The following STK33 variants were observed in gnomAD, a reference collection of about 807,000 sequenced individuals.
STK33 encodes serine/threonine-protein kinase 33.
A neutral mutation model predicts 58.0 loss-of-function variants in STK33; 52 were observed. The ratio of observed to expected loss-of-function variants is 0.90; its 90% CI spans 0.72 to 1.13. STK33 has a LOEUF of 1.13. Among genes scored for constraint, STK33 ranks in the 50% most tolerant of loss-of-function variants. STK33 has a pLI of 0.00. For missense variants in STK33, 630 were observed against 604.2 expected (o/e 1.04, Z -0.45); for synonymous variants, 215 against 200.1 (o/e 1.07, Z -0.63).
At chr11:8,560,193 T>C (rs1360965025) in intron 1 of STK33, among the ~76,000 whole-genome samples, 1 of 152,156 alleles carries the variant, frequency 6.6e-6, no homozygotes, top group Non-Finnish European at 1.5e-5. Context: ...TGTGAGCATT[T>C]ATTATTTTGA....
intron 1 of STK33, among the ~76,000 whole-genome samples, chr11:8,560,726 G>C (rs1188720115): frequency 6.6e-6 from 1 of 152,082 alleles, no homozygotes; most frequent in Non-Finnish European, 1.5e-5. Flanking sequence ...CTTCAGGCCA[G>C]GCACTGTTCT....
chr11:8,453,376 TCTC>T (rs1212167198), intron 10 of STK33, among the ~76,000 whole-genome samples: 30 of 152,340 alleles, frequency 2.0e-4, no homozygotes, highest in African/African-American at 7.2e-4. Flanking sequence ...TCACTGAAAC[TCTC>T]CTTTTTTATA....
At chr11:8,590,501 T>C (rs933480572) in intron 1 of STK33, among the ~76,000 whole-genome samples, 2 of 152,310 alleles carry the variant, frequency 1.3e-5, no homozygotes, top group African/African-American at 4.8e-5. Context: ...TTATTTCTAA[T>C]GTAAACCACA....
intron 11 of STK33, among the ~76,000 whole-genome samples, chr11:8,442,274 A>C (rs1944853427): frequency 6.6e-6 from 1 of 152,194 alleles, no homozygotes; most frequent in Non-Finnish European, 1.5e-5. Context: ...TGTTAACTCT[A>C]CTTAAAATCT....
At chr11:8,569,897 CG>C (rs1957687774) in intron 1 of STK33, among the ~76,000 whole-genome samples, 1 of 151,844 alleles carries the variant, frequency 6.6e-6, no homozygotes, top group Non-Finnish European at 1.5e-5. Context: ...TACAGTGAGC[CG>C]TAATTGTGCC....
chr11:8,369,469 G>C, the STK33 span, among the ~76,000 whole-genome samples: 1 of 149,082 alleles, frequency 6.7e-6, no homozygotes, highest in Non-Finnish European at 1.5e-5. Context: ...GAATGAGGAG[G>C]CTAAGGGAGT....
At chr11:8,470,607 CAT>C (rs1381647900) in intron 6 of STK33, among the ~76,000 whole-genome samples, 2 of 152,328 alleles carry the variant, frequency 1.3e-5, no homozygotes, top group East Asian at 1.9e-4. Flanking sequence ...ATGCGCTCCT[CAT>C]TAGGCTTAAT....
chr11:8,574,213 T>C (rs1047550617), intron 1 of STK33, among the ~76,000 whole-genome samples: 1 of 152,146 alleles, frequency 6.6e-6, no homozygotes, highest in African/African-American at 2.4e-5. Flanking sequence ...AATGAGTAAA[T>C]ATACAACTGT....
chr11:8,478,658 C>G (rs1405921826), intron 2 of STK33, among the ~76,000 whole-genome samples: 1 of 151,876 alleles, frequency 6.6e-6, no homozygotes, highest in African/African-American at 2.4e-5. Context: ...TCTCCAAAAG[C>G]AATTTTTTTA....
At position 8,462,520 on chromosome 11, in the gene STK33, T is replaced by TA. The variant is rs535009745; in HGVS notation, c.454-612dup. ...GAAAAAATAATAGGCAATGAGATTCTACACTCGGCTCTGCACTGTTACTTC... is the reference window on the plus strand; with the variant it reads ...GAAAAAATAATAGGCAATGAGATTCTAACACTCGGCTCTGCACTGTTACTTC... On this transcript the variant is annotated intron_variant, in intron 7 of 15. Coordinates refer to ENST00000687296, the MANE Select transcript of STK33 (RefSeq NM_001352389.2). Among the ~76,000 whole-genome samples, 5 of 151,374 alleles carry TA rather than the reference T, an allele frequency of 3.3e-5. No individual in the cohort carries two copies. The East Asian group carries it at 9.7e-4, about 29-fold the overall frequency.
At position 8,488,476 on chromosome 11, in the gene STK33, A is replaced by G. The variant is rs1950342247; in HGVS notation, c.-465-7862T>C. On this transcript the variant is annotated intron_variant, in intron 1 of 15. Transcript: ENST00000687296. ...GAAGCTCTGCACAAGCAGGAAGTGA[A>G]GGCTAAGGTAAGTTGTCAACCACCT... Among the ~76,000 whole-genome samples, 3 of 152,086 alleles carry G rather than the reference A, an allele frequency of 2.0e-5. No individual in the cohort carries two copies. The South Asian group carries it at 6.2e-4, about 32-fold the overall frequency.
intron 1 of STK33, among the ~76,000 whole-genome samples, chr11:8,486,271 G>A (rs1950188900): frequency 6.6e-6 from 1 of 152,202 alleles, no homozygotes; most frequent in African/African-American, 2.4e-5. Flanking sequence ...ACAGGAGCCT[G>A]TGTGATATGG....
chr11:8,353,250 G>A, the STK33 span, among the ~76,000 whole-genome samples: 6 of 152,314 alleles, frequency 3.9e-5, no homozygotes, highest in South Asian at 2.1e-4. Flanking sequence ...AAGAAGCCAC[G>A]AACCTGAGTT....
chr11:8,461,052 C>T (rs142665820), intron 8 of STK33, among the ~76,000 whole-genome samples: 155 of 152,326 alleles, frequency 1.0e-3, no homozygotes, highest in African/African-American at 3.7e-3. Context: ...GAGGTCAACA[C>T]TGTTATCAAG....
chr11:8,517,478 G>A (rs952889826), intron 1 of STK33, among the ~76,000 whole-genome samples: 2 of 152,238 alleles, frequency 1.3e-5, no homozygotes, highest in Non-Finnish European at 2.9e-5. Flanking sequence ...AAAGCTGGAC[G>A]GAGAATGACT....
intron 1 of STK33, among the ~76,000 whole-genome samples, chr11:8,563,424 C>G (rs542147620): frequency 1.3e-5 from 2 of 152,218 alleles, no homozygotes; most frequent in South Asian, 4.1e-4. Context: ...CACCATGACA[C>G]AAAATTATGC....
chr11:8,521,052 T>C (rs565513169), intron 1 of STK33, among the ~76,000 whole-genome samples: 77 of 150,110 alleles, frequency 5.1e-4, no homozygotes, highest in African/African-American at 1.8e-3. Flanking sequence ...ATAAAAATTA[T>C]TTATAATTTA....
At chr11:8,379,552 C>T in the STK33 span, among the ~76,000 whole-genome samples, 9 of 152,162 alleles carry the variant, frequency 5.9e-5, no homozygotes, top group African/African-American at 2.2e-4. Context: ...TGCTCAACAT[C>T]ACTAATCAAC....
chr11:8,351,004 C>T, the STK33 span, among the ~76,000 whole-genome samples: 2 of 152,050 alleles, frequency 1.3e-5, no homozygotes, highest in African/African-American at 2.4e-5. Context: ...GGGAGGAAAC[C>T]CCAGGTGTTC....
Sources: allele counts gnomAD v4.1 joint callset (sites outside exome capture counted in the v4.1 genomes callset), GRCh38; gene constraint gnomAD v4.1.1; transcripts MANE v1.5; gene names NCBI Gene and HGNC (gene_info 2026-07-23, HGNC 2026-07-21).